KMO: variants seen among roughly 807,000 people sequenced by gnomAD.
The protein encoded by KMO is kynurenine 3-monooxygenase.
In KMO, 24 loss-of-function variants were observed where a neutral mutation model predicts 57.8. The ratio of observed to expected loss-of-function variants is 0.42; its 90% CI spans 0.30 to 0.58. The LOEUF is 0.58. Among genes scored for constraint, KMO ranks in the 20% least tolerant of loss-of-function variants. The pLI, the probability that KMO is intolerant of heterozygous loss-of-function variation, is 0.22. For missense variants in KMO, 483 were observed against 588.2 expected (o/e 0.82, Z 1.85); for synonymous variants, 210 against 193.6 (o/e 1.08, Z -0.70).
At chr1:241,537,123 CT>C (rs1344086023) in intron 1 of KMO, among the ~76,000 whole-genome samples, 1 of 152,168 alleles carries the variant, frequency 6.6e-6, no homozygotes, top group Non-Finnish European at 1.5e-5. Flanking sequence ...CAGCTGGACA[CT>C]CAGGAAATCT....
intron 11 of KMO, among the ~76,000 whole-genome samples, chr1:241,587,751 CT>C (rs11409165): frequency 1.0e-3 from 151 of 146,450 alleles, no homozygotes; most frequent in African/African-American, 1.8e-3. Context: ...GCATAAATTC[CT>C]TTTTTTTTTT....
intron 1 of KMO, among the ~76,000 whole-genome samples, chr1:241,543,459 T>C (rs137949250): frequency 6.6e-6 from 1 of 152,304 alleles, no homozygotes; most frequent in African/African-American, 2.4e-5. Context: ...AATATATTCA[T>C]ATCATATCTC....
At chr1:241,533,061 G>T (rs68147305) in intron 1 of KMO, among the ~76,000 whole-genome samples, 1 of 152,260 alleles carries the variant, frequency 6.6e-6, no homozygotes, top group East Asian at 1.9e-4. Context: ...GTGGAGTGAG[G>T]TGTTCACCTC....
At chr1:241,579,195 A>G (rs1662658592) in intron 10 of KMO, among the ~76,000 whole-genome samples, 1 of 152,132 alleles carries the variant, frequency 6.6e-6, no homozygotes, top group Non-Finnish European at 1.5e-5. Context: ...GGACTGTGTC[A>G]GTTGGCTTCT....
intron 4 of KMO, among the ~76,000 whole-genome samples, chr1:241,554,981 C>CAAAA (rs111385894): frequency 2.2e-5 from 3 of 136,866 alleles, no homozygotes; most frequent in Admixed American, 1.5e-4. Flanking sequence ...GACTCTGTTT[C>CAAAA]AAAAAAAAAA....
chr1:241,553,052 G>A (rs1661470871), intron 4 of KMO, among the ~76,000 whole-genome samples: 1 of 152,162 alleles, frequency 6.6e-6, no homozygotes. Flanking sequence ...TTTCTAATAT[G>A]TCTGAGGTAG....
At chr1:241,555,829 T>C in intron 5 of KMO, 169 bp downstream of exon 5, 1 of 473,682 alleles carries the variant, frequency 2.1e-6, no homozygotes, top group Non-Finnish European at 3.8e-6. Flanking sequence ...AGCTCATGCC[T>C]GTAATCCCAG....
chr1:241,556,773 CA>C (rs1349592072), intron 5 of KMO, among the ~76,000 whole-genome samples: 2 of 152,060 alleles, frequency 1.3e-5, no homozygotes, highest in Non-Finnish European at 2.9e-5. Context: ...CCGGTAATCC[CA>C]GCTACTCGGG....
chr1:241,588,220 T>C (rs1438679381), intron 11 of KMO, among the ~76,000 whole-genome samples: 1 of 151,490 alleles, frequency 6.6e-6, no homozygotes, highest in Non-Finnish European at 1.5e-5. Flanking sequence ...TACCGTAAAG[T>C]AAGTTCATAG....
chr1:241,545,446 T>C (rs1661109747), intron 1 of KMO, among the ~76,000 whole-genome samples: 3 of 152,274 alleles, frequency 2.0e-5, no homozygotes, highest in Non-Finnish European at 4.4e-5. Flanking sequence ...TTCCGAGAGC[T>C]GTGAGGGAAA....
At chr1:241,555,518 A>C in intron 4 of KMO, 94 bp from the exon 5 acceptor site, 1 of 677,728 alleles carries the variant, frequency 1.5e-6, no homozygotes, top group East Asian at 2.7e-5. Context: ...CCCTCTGCTA[A>C]ATAATAAATA....
rs116466192 is a variant in KMO at position 241,539,717 on chromosome 1, T to C, written c.54+7219T>C. ...CTTCAGACTCTCTTCTTTCCCTCTT[T>C]GTTTTCTCATTCCCCTGTTATCCTT... On this transcript the variant is annotated intron_variant, in intron 1 of 14. Coordinates refer to ENST00000366559, the MANE Select transcript of KMO (RefSeq NM_003679.5). Among the ~76,000 whole-genome samples, 1,037 of 152,300 alleles carry C rather than the reference T, an allele frequency of 6.8e-3. 7 individuals carry two copies. Among genetic ancestry groups the C allele is most frequent in the African/African-American group, 0.023 (975 of 41,568 alleles).
At position 241,549,712 on chromosome 1, in the gene KMO, A is replaced by G; in HGVS notation, c.160A>G (p.Ile54Val). Residue 54 changes from isoleucine to valine, a missense_variant, in exon 3 of 15, where the codon ATT becomes GTT. This residue lies in a region of KMO where 70 missense variants were observed against 78.4 expected (regional missense o/e 0.89). Transcript: ENST00000366559. ...RVATFTRGRS[I>V]NLALSHRGRQ... Reference sequence around the variant, plus strand: ...GGCTACCTTCACACGTGGAAGAAGCATTAACTTAGCCCTTTCTCATAGAGG... The same window carrying G: ...GGCTACCTTCACACGTGGAAGAAGCGTTAACTTAGCCCTTTCTCATAGAGG... The G allele has an allele frequency of 6.2e-7, 1 of 1,613,730 alleles. No homozygotes were observed. Among genetic ancestry groups the G allele is most frequent in the Non-Finnish European group, 8.5e-7 (1 of 1,179,762 alleles).
intron 10 of KMO, among the ~76,000 whole-genome samples, chr1:241,579,134 T>G (rs9661180): frequency 0.2 from 30,597 of 151,916 alleles, 3,393 homozygotes; most frequent in Non-Finnish European, 0.25. Flanking sequence ...CATACACAAA[T>G]TTTCTCCTTC....
intron 10 of KMO, among the ~76,000 whole-genome samples, chr1:241,580,277 C>T (rs1662700456): frequency 6.6e-6 from 1 of 152,152 alleles, no homozygotes; most frequent in African/African-American, 2.4e-5. Flanking sequence ...ACATATATCT[C>T]TACATATCTC....
chr1:241,558,233 T>G (rs999156531), intron 5 of KMO, among the ~76,000 whole-genome samples: 1 of 152,226 alleles, frequency 6.6e-6, no homozygotes, highest in Non-Finnish European at 1.5e-5. Context: ...ACAATCTTGG[T>G]GTACACACCA....
At chr1:241,578,079 G>A (rs898544251) in intron 10 of KMO, among the ~76,000 whole-genome samples, 1 of 152,122 alleles carries the variant, frequency 6.6e-6, no homozygotes, top group Admixed American at 6.5e-5. Context: ...CTGAGCCTGA[G>A]GGGTGCTCCC....
At chr1:241,577,996 G>A (rs914266535) in intron 10 of KMO, among the ~76,000 whole-genome samples, 5 of 152,146 alleles carry the variant, frequency 3.3e-5, no homozygotes, top group Admixed American at 2.6e-4. Flanking sequence ...GATCAGACAG[G>A]CACCTCTTTC....
chr1:241,550,202 T>C (rs559455960), intron 3 of KMO: 165 of 154,574 alleles, frequency 1.1e-3, no homozygotes, highest in Middle Eastern at 3.3e-3. Flanking sequence ...GACATGAGAC[T>C]CTTTGTAGTC....
Sources: allele counts gnomAD v4.1 joint callset (sites outside exome capture counted in the v4.1 genomes callset), GRCh38; gene constraint gnomAD v4.1.1; regional missense constraint gnomAD v4.1.1; transcripts MANE v1.5; gene names NCBI Gene and HGNC (gene_info 2026-07-23, HGNC 2026-07-21).